CFDP1: variants seen among roughly 807,000 people sequenced by gnomAD.
CFDP1 encodes the protein heterochromatin-stabilizing protein CFDP1.
CFDP1 carries 31 observed loss-of-function variants against 40.1 expected under a neutral mutation model. The observed-to-expected ratio is 0.77, with a 90% CI of 0.58 to 1.04. The LOEUF (loss-of-function observed/expected upper bound fraction) is 1.04. CFDP1 is among the 50% of genes least tolerant of loss of function. The pLI is 0.00. For synonymous variants in CFDP1, 167 were observed against 120.0 expected, an observed-to-expected ratio of 1.39 and a Z score of -2.56; for missense variants, 423 against 343.4, an observed-to-expected ratio of 1.23 and a Z score of -1.83.
At chr16:75,347,665 C>T (rs976360381) in intron 5 of CFDP1, among the ~76,000 whole-genome samples, 3 of 151,862 alleles carry the variant, frequency 2.0e-5, no homozygotes, top group African/African-American at 4.8e-5. Context: ...GGTGAAAGAG[C>T]GAGACTCCGT....
intron 5 of CFDP1, among the ~76,000 whole-genome samples, chr16:75,365,349 T>C (rs1158845308): frequency 3.3e-5 from 5 of 152,242 alleles, no homozygotes; most frequent in Admixed American, 6.5e-5. Context: ...TCTTGCCTAT[T>C]TGAAGGCACT....
At chr16:75,338,665 T>C (rs990987216) in intron 5 of CFDP1, among the ~76,000 whole-genome samples, 5 of 152,200 alleles carry the variant, frequency 3.3e-5, no homozygotes, top group Admixed American at 6.5e-5. Context: ...TCTATTCTTT[T>C]TGATCCCCCC....
Position 75,383,577 on chromosome 16 carries a change from T to A in CFDP1, c.650+11513A>T, listed in dbSNP as rs145021525. Reference sequence around the variant, plus strand: ...GGCTCTCACCTGTAATCCCAGCACTTTGGGAGGCCGAGGTGGGCGGATCAT... The same window carrying A: ...GGCTCTCACCTGTAATCCCAGCACTATGGGAGGCCGAGGTGGGCGGATCAT... On this transcript the variant is annotated intron_variant, in intron 5 of 6. Transcript: ENST00000283882. 5.7e-3 allele frequency among the ~76,000 whole-genome samples: 865 copies of A among 152,170 alleles called. 8 individuals carry two copies. Among genetic ancestry groups the A allele is most frequent in the African/African-American group, 0.019 (807 of 41,514 alleles).
intron 5 of CFDP1, among the ~76,000 whole-genome samples, chr16:75,335,131 A>G (rs766149147): frequency 1.3e-5 from 2 of 152,104 alleles, no homozygotes; most frequent in Non-Finnish European, 2.9e-5. Context: ...TCCTGTGATC[A>G]TTCTATTTCA....
chr16:75,294,067 C>A, intron 6 of CFDP1, 25 bp from the exon 7 acceptor site: 2 of 1,559,156 alleles, frequency 1.3e-6, no homozygotes, highest in South Asian at 2.2e-5. Flanking sequence ...CAGTGTTTGT[C>A]AGTAGAATCC....
chr16:75,350,601 A>C (rs1343744076), intron 5 of CFDP1, among the ~76,000 whole-genome samples: 1 of 152,208 alleles, frequency 6.6e-6, no homozygotes, highest in African/African-American at 2.4e-5. Context: ...TTACGTTGAA[A>C]TCCTTGCCAG....
At chr16:75,394,939 T>G in intron 5 of CFDP1, 151 bp downstream of exon 5, 1 of 997,236 alleles carries the variant, frequency 1.0e-6, no homozygotes, top group Non-Finnish European at 1.4e-6. Context: ...CCTTTGCATC[T>G]TCCATTCTGG....
chr16:75,367,695 A>C (rs1171888332), intron 5 of CFDP1, among the ~76,000 whole-genome samples: 3 of 150,014 alleles, frequency 2.0e-5, no homozygotes, highest in Non-Finnish European at 4.4e-5. Flanking sequence ...CAGGAGGCTG[A>C]GGCAGGAGAA....
intron 5 of CFDP1, chr16:75,391,462 T>C (rs1262687355): frequency 6.6e-6 from 1 of 152,234 alleles, no homozygotes; most frequent in Non-Finnish European, 1.5e-5. Flanking sequence ...TTGCAGTTGA[T>C]TGTGAAATCA....
At chr16:75,349,221 A>C (rs1946616293) in intron 5 of CFDP1, among the ~76,000 whole-genome samples, 1 of 152,056 alleles carries the variant, frequency 6.6e-6, no homozygotes, top group South Asian at 2.1e-4. Context: ...ATAGAAATAC[A>C]GTTCTTAGGC....
intron 5 of CFDP1, among the ~76,000 whole-genome samples, chr16:75,356,911 CTTT>C (rs576406459): frequency 7.4e-5 from 6 of 80,656 alleles, no homozygotes; most frequent in Admixed American, 3.1e-4. Flanking sequence ...TGCTTTCTTT[CTTT>C]TTTTTTTTTT....
At chr16:75,393,250 TAACTC>T (rs1182022125) in intron 5 of CFDP1, among the ~76,000 whole-genome samples, 1 of 152,210 alleles carries the variant, frequency 6.6e-6, no homozygotes, top group Non-Finnish European at 1.5e-5. Flanking sequence ...ACCTGCTTGA[TAACTC>T]AACCTTTACT....
intron 6 of CFDP1, among the ~76,000 whole-genome samples, chr16:75,304,100 G>C (rs1209553363): frequency 2.0e-5 from 3 of 150,876 alleles, no homozygotes; most frequent in African/African-American, 7.3e-5. Context: ...ACACAGTCTT[G>C]CTCTGTCACC....
rs185485871 is a variant in CFDP1 at position 75,384,811 on chromosome 16, G to C, written c.650+10279C>G. 5.6e-3 allele frequency among the ~76,000 whole-genome samples: 695 copies of C among 123,878 alleles called. 5 individuals carry two copies. The highest frequency in any genetic ancestry group is 0.019 in the African/African-American group (648 of 34,350). The allele number at this position is 123,878 out of a possible 152,430, so 81.3% of individuals were successfully genotyped here. A position where few individuals can be genotyped will look rare whatever the true frequency, so the allele number is the denominator to read the frequency against. On this transcript the variant is annotated intron_variant, in intron 5 of 6. Transcript: ENST00000283882. ...TGAACCTGGAGAGATGCCCAAGATAGACTGTTAAGTAAAAATACAAGTTGC... is the reference window on the plus strand; with the variant it reads ...TGAACCTGGAGAGATGCCCAAGATACACTGTTAAGTAAAAATACAAGTTGC...
At chr16:75,373,083 T>C (rs1030825714) in intron 5 of CFDP1, among the ~76,000 whole-genome samples, 2 of 152,212 alleles carry the variant, frequency 1.3e-5, no homozygotes, top group Admixed American at 1.3e-4. Context: ...ACAATTTGCT[T>C]GACACACCTA....
intron 4 of CFDP1, among the ~76,000 whole-genome samples, chr16:75,407,572 C>G (rs2079111864): frequency 6.8e-6 from 1 of 146,188 alleles, no homozygotes; most frequent in Non-Finnish European, 1.5e-5. Context: ...TCCAGTTACT[C>G]AGGAGGCTGA....
chr16:75,303,722 A>G (rs1019425988), intron 6 of CFDP1, among the ~76,000 whole-genome samples: 1 of 152,214 alleles, frequency 6.6e-6, no homozygotes, highest in Non-Finnish European at 1.5e-5. Flanking sequence ...GGTGTTCTGT[A>G]AAGTGCTTTA....
chr16:75,307,944 A>C (rs756731411), intron 5 of CFDP1, among the ~76,000 whole-genome samples: 3 of 152,198 alleles, frequency 2.0e-5, no homozygotes, highest in Admixed American at 1.3e-4. Flanking sequence ...CTATCATACC[A>C]GTTCTTTTCA....
chr16:75,424,953 T>C (rs1287985330), intron 1 of CFDP1, among the ~76,000 whole-genome samples: 1 of 152,138 alleles, frequency 6.6e-6, no homozygotes, highest in East Asian at 1.9e-4. Flanking sequence ...CCACAGAATC[T>C]ACAAAAACCT....
Sources: gnomAD v4.1 joint callset for allele counts (sites outside exome capture counted in the v4.1 genomes callset) on GRCh38, gnomAD v4.1.1 for gene constraint, MANE v1.5 for transcripts, NCBI Gene and HGNC (gene_info 2026-07-23, HGNC 2026-07-21) for gene names.